CYP2F1: variants seen among roughly 807,000 people sequenced by gnomAD.
CYP2F1 encodes cytochrome P450 2F1.
In CYP2F1, 33 loss-of-function variants were observed where a neutral mutation model predicts 40.4. The ratio of observed to expected loss-of-function variants is 0.82; its 90% confidence interval spans 0.62 to 1.09. CYP2F1 has a LOEUF of 1.09. CYP2F1 is among the 50% of genes least tolerant of loss of function. The pLI, the probability that CYP2F1 is intolerant of heterozygous loss-of-function variation, is 0.00. For synonymous variants in CYP2F1, 235 were observed against 277.2 expected (o/e 0.85, Z 1.51); for missense variants, 566 against 655.7 (o/e 0.86, Z 1.49).
chr19:41,116,748 T>G (rs1195827924), intron 3 of CYP2F1, 131 bp downstream of exon 3: 1 of 1,050,058 alleles, frequency 9.5e-7, no homozygotes, highest in East Asian at 2.6e-5. Flanking sequence ...CCAAATGCAA[T>G]GCAGCGAGGC....
At chr19:41,114,690 A>G (rs1236252532) in intron 1 of CYP2F1, among the ~76,000 whole-genome samples, 198 bp downstream of exon 1, 2 of 151,778 alleles carry the variant, frequency 1.3e-5, no homozygotes, top group East Asian at 3.9e-4. Context: ...TCTCTCTGCA[A>G]TGCAACCCCA....
chr19:41,119,854 T>C (rs1008500493), intron 3 of CYP2F1, among the ~76,000 whole-genome samples: 4 of 147,742 alleles, frequency 2.7e-5, no homozygotes, highest in Non-Finnish European at 5.9e-5. Flanking sequence ...GGCAGGAGAA[T>C]CACCTGAACC....
At position 41,122,026 on chromosome 19, in the gene CYP2F1, A is replaced by T. The variant is rs376223454; in HGVS notation, c.715A>T (p.Lys239Ter). ...GPHQRIFQNF[K>*]CLRDLIAHSV... ...GCACCAACGCATCTTCCAGAACTTC[A>T]AGTGCCTGAGAGACCTCATCGCCCA... Residue 239 changes from lysine (K) to a stop codon, truncating the protein, a stop_gained, in exon 6 of 10, where the codon AAG becomes TAG. Transcript: ENST00000331105. LOFTEE classifies it high-confidence loss of function. The T allele has an allele frequency of 6.2e-7, 1 of 1,612,614 alleles. No homozygotes were observed. The highest frequency in any genetic ancestry group is 1.3e-5 in the African/African-American group (1 of 74,368).
Position 41,124,856 on chromosome 19 carries a change from C to A in CYP2F1, c.1102C>A (p.Pro368Thr). The A allele has an allele frequency of 6.2e-7, 1 of 1,610,998 alleles. No homozygotes were observed. Residue 368 changes from proline to threonine, a missense_variant, in exon 8 of 10, where the codon CCG (proline) becomes ACG (threonine). Coordinates refer to ENST00000331105, the MANE Select transcript of CYP2F1 (RefSeq NM_000774.5). ...RFADIIPMNL[P>T]HRVTRDTAFR... ...TGCAGACATCATCCCCATGAACTTG[C>A]CGCACCGCGTCACTAGGGACACGGC...
At chr19:41,126,876 T>A (rs1049737638) in intron 9 of CYP2F1, among the ~76,000 whole-genome samples, 8 of 152,190 alleles carry the variant, frequency 5.3e-5, no homozygotes, top group African/African-American at 1.9e-4. Flanking sequence ...GAGGTGGTTC[T>A]AGGGGTTTTT....
intron 3 of CYP2F1, among the ~76,000 whole-genome samples, chr19:41,119,723 C>CTATATATATATATATATATATA (rs1290627675): frequency 2.8e-5 from 1 of 35,802 alleles, no homozygotes; most frequent in Non-Finnish European, 5.2e-5. Context: ...CTCTCTCTCT[C>CTATATATATATATATATATATA]TATATATATA....
chr19:41,125,962 G>A, intron 9 of CYP2F1: 1 of 483,408 alleles, frequency 2.1e-6, no homozygotes, highest in Non-Finnish European at 3.5e-6. Context: ...GTGAAACCCT[G>A]TCTCTACTTA....
chr19:41,121,390 T>C, intron 4 of CYP2F1, 68 bp from the exon 5 acceptor site: 1 of 1,447,894 alleles, frequency 6.9e-7, no homozygotes, highest in Admixed American at 1.8e-5. Flanking sequence ...AAATTAATGG[T>C]GTTGCTGCAT....
In CYP2F1 at chr19:41,121,984, G is replaced by A. The variant is rs1408285110; in HGVS notation, c.673G>A (p.Asp225Asn). Residue 225 changes from aspartate (D) to asparagine (N), a missense_variant, in exon 6 of 10, where the codon GAC (aspartate) becomes AAC (asparagine). Asp to Asn is a conservative substitution (Grantham distance 23). Transcript: ENST00000331105. ...GTACGACATCTTCCCGAGCCTCCTG[G>A]ACTGGGTGCCTGGGCCGCACCAACG... ...ELYDIFPSLLDWVPGPHQRIF... is the reference protein window; with the variant it reads ...ELYDIFPSLLNWVPGPHQRIF... 5.3e-5 allele frequency: 86 copies of A among 1,613,250 alleles called. 1 individual carries two copies. In the Middle Eastern group the frequency reaches 1.3e-3, roughly 25 times the overall value.
In CYP2F1 at chr19:41,128,313, C is replaced by T. The variant is rs756257279; in HGVS notation, c.*231C>T. On this transcript the variant is annotated 3_prime_UTR_variant, in exon 10 of 10. Coordinates refer to ENST00000331105, the MANE Select transcript of CYP2F1 (RefSeq NM_000774.5). ...TACCCACAGAGCTTGTTCTATGGCA[C>T]GCCCTTTTCTAGGCTTTTTGTATCA... 6.2e-4 allele frequency: 292 copies of T among 471,652 alleles called. 1 individual carries two copies. The highest frequency in any genetic ancestry group is 7.9e-4 in the Non-Finnish European group (215 of 273,044). The allele number at this position is 471,652 out of a possible 1,614,324, so 29.2% of individuals were successfully genotyped here. A position where few individuals can be genotyped will look rare whatever the true frequency, so the allele number is the denominator to read the frequency against.
intron 1 of CYP2F1, among the ~76,000 whole-genome samples, chr19:41,115,235 T>C (rs2031724193): frequency 6.6e-6 from 1 of 152,166 alleles, no homozygotes; most frequent in Non-Finnish European, 1.5e-5. Flanking sequence ...AGTCTCTGTG[T>C]CTAGCTCTGT....
At chr19:41,121,313 A>C in intron 4 of CYP2F1, 145 bp from the exon 5 acceptor site, 1 of 824,248 alleles carries the variant, frequency 1.2e-6, no homozygotes, top group Non-Finnish European at 1.9e-6. Context: ...GTTAAGCAGC[A>C]TGTTGTGACC....
Position 41,122,849 on chromosome 19 carries a change from C to T in CYP2F1, c.850C>T (p.His284Tyr). Residue 284 changes from histidine (H) to tyrosine (Y), a missense_variant, in exon 7 of 10, where the codon CAC (histidine) becomes TAC (tyrosine). His to Tyr is a moderately conservative substitution (Grantham distance 83). Transcript: ENST00000331105. ...GAAGGAGGACCCACTGAGCCACTTC[C>T]ACATGGATACCCTGCTGATGACCAC... ...EEKEDPLSHF[H>Y]MDTLLMTTHN... 4.5e-6 allele frequency: 7 copies of T among 1,551,962 alleles called. No homozygotes were observed. The highest frequency in any genetic ancestry group is 5.2e-6 in the Non-Finnish European group (6 of 1,148,242).
rs533716670 is a variant in CYP2F1, at chr19:41,128,089, G to A, written c.*7G>A. ...GTGCCTGCGCCCGCGCTAACGCCCCGGCCCTTCCAGATTCGCCTGTGAGCG... is the reference window on the plus strand; with the variant it reads ...GTGCCTGCGCCCGCGCTAACGCCCCAGCCCTTCCAGATTCGCCTGTGAGCG... On this transcript the variant is annotated 3_prime_UTR_variant, in exon 10 of 10. Transcript: ENST00000331105. 1.4e-5 allele frequency: 22 copies of A among 1,597,728 alleles called. 1 individual carries two copies. The Admixed American group carries it at 1.7e-4, about 12-fold the overall frequency.
rs558125924 is a variant in CYP2F1, at chr19:41,119,095, C to T, written c.335-1252C>T. 4.6e-5 allele frequency among the ~76,000 whole-genome samples: 7 copies of T among 152,050 alleles called. No individual in the cohort carries two copies. In the East Asian group the frequency reaches 1.2e-3, roughly 25 times the overall value. The stretch of plus-strand genomic sequence containing the variant: ...GGCCCAGCCTAGAAGGGAGGAGGAG[C>T]CAGAGAAGGCTTCCTGGAAGAGGGG... On this transcript the variant is annotated intron_variant, in intron 3 of 9. Transcript: ENST00000331105.
At chr19:41,126,900 G>C (rs59797778) in intron 9 of CYP2F1, among the ~76,000 whole-genome samples, 8,568 of 152,080 alleles carry the variant, frequency 0.056, 516 homozygotes, top group African/African-American at 0.15. Context: ...TTGTTTGTTT[G>C]TTTTTTGGCT....
In CYP2F1 at chr19:41,124,252, C is replaced by CCA. The variant is rs2032406966; in HGVS notation, c.965-466_965-465insAC. ...CTTTTTTTTTTTTCCTCTTCCCCCC[C>CCA]CCCTTTTTTTTTTTTTTTTTTTTTT... On this transcript the variant is annotated intron_variant, in intron 7 of 9. Transcript: ENST00000331105. Among the ~76,000 whole-genome samples, 5 of 102,072 alleles carry CCA rather than the reference C, an allele frequency of 4.9e-5. 1 individual carries two copies. The highest frequency in any genetic ancestry group is 1.2e-4 in the African/African-American group (3 of 24,294). The allele number at this position is 102,072 out of a possible 152,430, so 67.0% of individuals were successfully genotyped here. A position where few individuals can be genotyped will look rare whatever the true frequency, so the allele number is the denominator to read the frequency against.
intron 1 of CYP2F1, among the ~76,000 whole-genome samples, chr19:41,115,631 TAGAC>T (rs751569367): frequency 9.9e-5 from 15 of 152,128 alleles, no homozygotes; most frequent in Admixed American, 2.0e-4. Flanking sequence ...TGATAGATAA[TAGAC>T]AGATCAATGA....
intron 9 of CYP2F1, among the ~76,000 whole-genome samples, chr19:41,126,056 C>T (rs11879517): frequency 2.0e-5 from 3 of 151,730 alleles, no homozygotes; most frequent in Non-Finnish European, 4.4e-5. Flanking sequence ...TCACTTGAAC[C>T]CAGGAGGCGG....
Sources: gnomAD v4.1 joint callset for allele counts (sites outside exome capture counted in the v4.1 genomes callset) on GRCh38, gnomAD v4.1.1 for gene constraint, MANE v1.5 for transcripts, NCBI Gene and HGNC (gene_info 2026-07-23, HGNC 2026-07-21) for gene names.